BLK: variants seen among roughly 807,000 people sequenced by gnomAD.
BLK encodes tyrosine-protein kinase Blk.
Under a neutral mutation model 61.8 loss-of-function variants are expected in BLK, and 64 were observed. The observed-to-expected ratio is 1.03, with a 90% CI of 0.85 to 1.27. The LOEUF is 1.27. Ranked by LOEUF, BLK falls within the 50% of genes most tolerant of loss-of-function variation. The pLI is 0.00. For synonymous variants in BLK, 351 were observed against 272.0 expected, an observed-to-expected ratio of 1.29 and a Z score of -2.86; for missense variants, 853 against 660.5, an observed-to-expected ratio of 1.29 and a Z score of -3.19.
intron 6 of BLK, chr8:11,553,375 G>A (rs1209241119): frequency 4.4e-6 from 2 of 450,994 alleles, no homozygotes; most frequent in Admixed American, 2.4e-5. Flanking sequence ...ATACCACAGA[G>A]GCAGGGGATC....
intron 6 of BLK, chr8:11,553,193 G>A: frequency 5.5e-6 from 1 of 182,744 alleles, no homozygotes; most frequent in South Asian, 1.0e-4. Flanking sequence ...GGAAGCAGGG[G>A]AGTGAGTTCT....
intron 1 of BLK, among the ~76,000 whole-genome samples, chr8:11,533,556 T>C (rs1470480076): frequency 6.7e-6 from 1 of 149,948 alleles, no homozygotes; most frequent in Non-Finnish European, 1.5e-5. Context: ...ATCTCTCTTC[T>C]GTGCTTCAGT....
chr8:11,512,000 T>C (rs1188427925), intron 1 of BLK, among the ~76,000 whole-genome samples: 1 of 152,238 alleles, frequency 6.6e-6, no homozygotes, highest in Non-Finnish European at 1.5e-5. Flanking sequence ...AATTTATTCG[T>C]TCAAAGAAGA....
At chr8:11,516,814 T>A (rs1249094195) in intron 1 of BLK, among the ~76,000 whole-genome samples, 1 of 152,220 alleles carries the variant, frequency 6.6e-6, no homozygotes, top group Non-Finnish European at 1.5e-5. Context: ...ACACTGGGCT[T>A]ATCCATCCAT....
At chr8:11,526,372 T>C (rs1317028421) in intron 1 of BLK, among the ~76,000 whole-genome samples, 1 of 152,244 alleles carries the variant, frequency 6.6e-6, no homozygotes, top group Non-Finnish European at 1.5e-5. Flanking sequence ...TGCTTTCAAA[T>C]TCACATCCTA....
intron 10 of BLK, chr8:11,558,874 A>T (rs113959481): frequency 7.7e-4 from 339 of 438,154 alleles, no homozygotes; most frequent in African/African-American, 5.8e-3. Context: ...CCCACCGCCC[A>T]CATCAGCCCT....
intron 1 of BLK, among the ~76,000 whole-genome samples, chr8:11,536,754 T>A (rs921893776): frequency 1.3e-5 from 2 of 152,200 alleles, no homozygotes; most frequent in African/African-American, 4.8e-5. Context: ...AAAAATAGTT[T>A]TCATCTAAAA....
At chr8:11,561,857 C>T (rs1274216417) in intron 11 of BLK, among the ~76,000 whole-genome samples, 1 of 150,014 alleles carries the variant, frequency 6.7e-6, no homozygotes, top group Non-Finnish European at 1.5e-5. Context: ...GAGTCTCTGT[C>T]ACCCAGGCTG....
intron 1 of BLK, among the ~76,000 whole-genome samples, chr8:11,502,623 T>G (rs975700486): frequency 6.6e-6 from 1 of 152,200 alleles, no homozygotes; most frequent in Non-Finnish European, 1.5e-5. Flanking sequence ...GCATAATGAT[T>G]TGAATAATTC....
At chr8:11,530,416 G>C (rs949626207) in intron 1 of BLK, among the ~76,000 whole-genome samples, 11 of 152,174 alleles carry the variant, frequency 7.2e-5, no homozygotes, top group Non-Finnish European at 1.6e-4. Context: ...CATCTCTGTA[G>C]GTCAGCCTCG....
chr8:11,514,377 A>T (rs1799141303), intron 1 of BLK, among the ~76,000 whole-genome samples: 1 of 152,220 alleles, frequency 6.6e-6, no homozygotes. Context: ...AGGCAGAAGG[A>T]CGCTAAACAA....
intron 1 of BLK, among the ~76,000 whole-genome samples, chr8:11,527,007 C>T (rs758769219): frequency 8.5e-5 from 13 of 152,130 alleles, no homozygotes; most frequent in Non-Finnish European, 1.9e-4. Flanking sequence ...ACTCGGCTAT[C>T]CTTATTTCTT....
chr8:11,522,154 A>C (rs1314223763), intron 1 of BLK, among the ~76,000 whole-genome samples: 1 of 152,172 alleles, frequency 6.6e-6, no homozygotes, highest in African/African-American at 2.4e-5. Context: ...ATTTCTAGGT[A>C]AATTATGTGT....
chr8:11,562,903 G>A, intron 11 of BLK, 76 bp from the exon 12 acceptor site: 1 of 1,597,486 alleles, frequency 6.3e-7, no homozygotes, highest in Non-Finnish European at 8.6e-7. Context: ...GACAGCAGGA[G>A]CAGGGGTAGG....
chr8:11,527,260 A>C (rs1045700129), intron 1 of BLK, among the ~76,000 whole-genome samples: 2 of 152,166 alleles, frequency 1.3e-5, no homozygotes, highest in Non-Finnish European at 2.9e-5. Context: ...AGGGGGTGTA[A>C]ATAACATTCC....
chr8:11,508,400 T>G (rs762715319), intron 1 of BLK, among the ~76,000 whole-genome samples: 2 of 152,144 alleles, frequency 1.3e-5, no homozygotes, highest in Non-Finnish European at 2.9e-5. Context: ...CAGAACAGCT[T>G]TCCTCCGCTA....
chr8:11,498,415 T>C (rs1798435346), intron 1 of BLK, among the ~76,000 whole-genome samples: 1 of 152,204 alleles, frequency 6.6e-6, no homozygotes, highest in South Asian at 2.1e-4. Flanking sequence ...GGTGGGTACT[T>C]ACAGTTTTTG....
intron 1 of BLK, among the ~76,000 whole-genome samples, chr8:11,536,219 G>T (rs557704885): frequency 6.6e-6 from 1 of 152,220 alleles, no homozygotes; most frequent in South Asian, 2.1e-4. Context: ...GCAAAATATG[G>T]GGTGGTGAAA....
At chr8:11,526,119 A>G (rs1258492622) in intron 1 of BLK, among the ~76,000 whole-genome samples, 2 of 152,172 alleles carry the variant, frequency 1.3e-5, no homozygotes, top group Non-Finnish European at 2.9e-5. Flanking sequence ...TACAACTTCA[A>G]GAAATACTAA....
Sources: gnomAD v4.1 joint callset for allele counts (sites outside exome capture counted in the v4.1 genomes callset) on GRCh38, gnomAD v4.1.1 for gene constraint, MANE v1.5 for transcripts, NCBI Gene and HGNC (gene_info 2026-07-23, HGNC 2026-07-21) for gene names.